RHBDD1: variants seen among roughly 807,000 people sequenced by gnomAD.
RHBDD1 encodes the protein rhomboid-related protein 4.
A neutral mutation model predicts 36.3 loss-of-function variants in RHBDD1; 38 were observed. The ratio of observed to expected loss-of-function variants is 1.05; its 90% confidence interval spans 0.81 to 1.37. The LOEUF (loss-of-function observed/expected upper bound fraction) is 1.37, where lower values mean the gene tolerates loss of function less well. RHBDD1 is among the 40% of genes most tolerant of loss of function. The probability of loss-of-function intolerance (pLI) is 0.00; values close to 1 mark genes in which losing one functional copy is unlikely to be tolerated. For synonymous variants in RHBDD1, 151 were observed against 136.5 expected (o/e 1.11, Z -0.74); for missense variants, 393 against 377.6 (o/e 1.04, Z -0.34).
intron 5 of RHBDD1, among the ~76,000 whole-genome samples, chr2:226,895,257 G>C (rs1179737159): frequency 3.3e-5 from 5 of 152,158 alleles, no homozygotes; most frequent in Non-Finnish European, 7.3e-5. Flanking sequence ...GCAACCATGG[G>C]GTAGACTGCT....
intron 8 of RHBDD1, among the ~76,000 whole-genome samples, chr2:226,984,029 G>A (rs1299670534): frequency 1.3e-5 from 2 of 152,190 alleles, no homozygotes; most frequent in Non-Finnish European, 2.9e-5. Context: ...GTGTCCCTTG[G>A]AGGGAGGGAG....
At chr2:226,836,375 C>T (rs557472880) in intron 1 of RHBDD1, among the ~76,000 whole-genome samples, 1 of 152,234 alleles carries the variant, frequency 6.6e-6, no homozygotes, top group Non-Finnish European at 1.5e-5. Flanking sequence ...TGCCCACACT[C>T]GGAGGAAGGG....
the RHBDD1 span, among the ~76,000 whole-genome samples, chr2:226,813,079 T>G: frequency 1.3e-5 from 2 of 152,326 alleles, no homozygotes; most frequent in East Asian, 3.9e-4. Flanking sequence ...TTCTCCCTTT[T>G]GCATCCCTGT....
chr2:226,860,731 G>A (rs1943778107), intron 3 of RHBDD1, among the ~76,000 whole-genome samples: 1 of 152,172 alleles, frequency 6.6e-6, no homozygotes, highest in Admixed American at 6.5e-5. Flanking sequence ...CAAAACGTAT[G>A]TTCTACCTAC....
intron 5 of RHBDD1, among the ~76,000 whole-genome samples, chr2:226,904,228 C>T (rs1030871160): frequency 2.0e-5 from 3 of 152,198 alleles, no homozygotes; most frequent in Admixed American, 1.3e-4. Context: ...CGCACTGTAA[C>T]ACACACCCAC....
At chr2:226,816,217 C>T in the RHBDD1 span, among the ~76,000 whole-genome samples, 5 of 152,102 alleles carry the variant, frequency 3.3e-5, no homozygotes, top group South Asian at 6.2e-4. Context: ...ACAGTGGCAT[C>T]GTGCTGACTT....
At chr2:226,848,244 G>C (rs1942428911) in intron 3 of RHBDD1, among the ~76,000 whole-genome samples, 1 of 151,970 alleles carries the variant, frequency 6.6e-6, no homozygotes, top group African/African-American at 2.4e-5. Flanking sequence ...TTGTCCTCAA[G>C]AAAACAGTTA....
chr2:226,841,631 A>G (rs1941645387), intron 3 of RHBDD1, among the ~76,000 whole-genome samples: 1 of 152,134 alleles, frequency 6.6e-6, no homozygotes, highest in Non-Finnish European at 1.5e-5. Flanking sequence ...AAAGGACATG[A>G]TTTCATTCCT....
intron 8 of RHBDD1, among the ~76,000 whole-genome samples, chr2:226,990,549 T>G (rs1254456554): frequency 6.6e-6 from 1 of 152,188 alleles, no homozygotes; most frequent in Non-Finnish European, 1.5e-5. Context: ...CATCTCTATT[T>G]ACATGGATGG....
intron 1 of RHBDD1, chr2:226,837,638 A>G (rs10205637): frequency 0.19 from 28,363 of 152,130 alleles, 4,320 homozygotes; most frequent in African/African-American, 0.42. Context: ...CAGGGTTCAA[A>G]CGATTCTCCT....
At chr2:226,862,108 A>C (rs1347662438) in intron 3 of RHBDD1, among the ~76,000 whole-genome samples, 1 of 152,210 alleles carries the variant, frequency 6.6e-6, no homozygotes, top group Non-Finnish European at 1.5e-5. Context: ...ATATGGGGGC[A>C]TAGGAGTACA....
the RHBDD1 span, among the ~76,000 whole-genome samples, chr2:226,814,463 G>C: frequency 1.3e-5 from 2 of 152,154 alleles, no homozygotes; most frequent in South Asian, 2.1e-4. Flanking sequence ...CAGTAATGAG[G>C]AGCCTTTGGT....
intron 5 of RHBDD1, among the ~76,000 whole-genome samples, chr2:226,888,302 A>T (rs549423556): frequency 6.6e-6 from 1 of 152,312 alleles, no homozygotes; most frequent in South Asian, 2.1e-4. Context: ...TACTGAATAA[A>T]ATCTACAACT....
intron 8 of RHBDD1, among the ~76,000 whole-genome samples, chr2:226,944,619 AAG>A (rs1384404509): frequency 6.6e-6 from 1 of 152,220 alleles, no homozygotes; most frequent in Non-Finnish European, 1.5e-5. Flanking sequence ...GCAAACAGAA[AAG>A]AGAGGTATAC....
Position 226,994,989 on chromosome 2 carries a change from C to T in RHBDD1, c.857-442C>T, listed in dbSNP as rs11674828. ...TTATTGGCCACATTGGGGCAGGAGGCGGCACATTAGAGGGAAGAAAAGGAG... is the reference window on the plus strand; with the variant it reads ...TTATTGGCCACATTGGGGCAGGAGGTGGCACATTAGAGGGAAGAAAAGGAG... On this transcript the variant is annotated intron_variant, in intron 8 of 8. Transcript: ENST00000392062. Among the ~76,000 whole-genome samples, 431 of 151,716 alleles carry T rather than the reference C, an allele frequency of 2.8e-3. 2 individuals carry two copies. Among genetic ancestry groups the T allele is most frequent in the Middle Eastern group, 6.8e-3 (2 of 294 alleles).
At chr2:226,806,373 G>A in the RHBDD1 span, among the ~76,000 whole-genome samples, 4 of 152,122 alleles carry the variant, frequency 2.6e-5, no homozygotes, top group East Asian at 1.9e-4. Flanking sequence ...TCCTCTGTAG[G>A]TCAATGTGTA....
chr2:226,854,022 T>G (rs1012483895), intron 3 of RHBDD1, among the ~76,000 whole-genome samples: 1 of 152,156 alleles, frequency 6.6e-6, no homozygotes, highest in Non-Finnish European at 1.5e-5. Flanking sequence ...TGAAGCAAAT[T>G]GTATGTAATT....
chr2:226,969,548 T>G (rs960596694), intron 8 of RHBDD1, among the ~76,000 whole-genome samples: 2 of 152,094 alleles, frequency 1.3e-5, no homozygotes, highest in Admixed American at 1.3e-4. Context: ...TCCAAGTTTC[T>G]TAGGTAATGG....
chr2:226,926,317 AC>A (rs947591398), intron 8 of RHBDD1, among the ~76,000 whole-genome samples: 1 of 152,098 alleles, frequency 6.6e-6, no homozygotes, highest in Admixed American at 6.5e-5. Context: ...AGTAACACCT[AC>A]CATTTAGTCC....
Sources: allele counts gnomAD v4.1 joint callset (sites outside exome capture counted in the v4.1 genomes callset), GRCh38; gene constraint gnomAD v4.1.1; transcripts MANE v1.5; gene names NCBI Gene and HGNC (gene_info 2026-07-23, HGNC 2026-07-21).